SPICE1: variants seen among roughly 807,000 people sequenced by gnomAD.
The protein encoded by SPICE1 is spindle and centriole associated protein 1, also known as spindle and centriole-associated protein 1.
SPICE1 carries 75 observed loss-of-function variants against 102.7 expected under a neutral mutation model. The ratio of observed to expected loss-of-function variants is 0.73; its 90% CI spans 0.61 to 0.88. The LOEUF (loss-of-function observed/expected upper bound fraction) is 0.88. Ranked by LOEUF, SPICE1 falls within the 40% of genes least tolerant of loss-of-function variation. The pLI, the probability that SPICE1 is intolerant of heterozygous loss-of-function variation, is 0.00. For missense variants in SPICE1, 979 were observed against 1,020.1 expected (o/e 0.96, Z 0.55); for synonymous variants, 308 against 350.3 (o/e 0.88, Z 1.35).
intron 8 of SPICE1, 31 bp from the exon 9 acceptor site, chr3:113,468,930 C>A: frequency 1.3e-6 from 2 of 1,593,520 alleles, no homozygotes; most frequent in South Asian, 2.3e-5. Flanking sequence ...AAAAGTATCT[C>A]AAGTGAACAA....
Position 113,460,739 on chromosome 3 carries a change from G to A in SPICE1, c.1313C>T (p.Thr438Ile), listed in dbSNP as rs761921482. 1.2e-6 allele frequency: 2 copies of A among 1,611,886 alleles called. No homozygotes were observed. The highest frequency in any genetic ancestry group is 4.5e-5 in the East Asian group (2 of 44,830). The change falls in exon 12 of 18, where the codon ACA (threonine) becomes ATA (isoleucine). Residue 438 changes from threonine (T) to isoleucine (I), a missense_variant. By Grantham distance (89) the Thr-to-Ile change is moderately conservative (BLOSUM62 -1). Transcript: ENST00000295872. ...TQARLQQYMV[T>I]TDEQLISLTH... ...GAGTGATATCAGTTGCTCATCTGTT[G>A]TGACCATGTACTGCTGAAGTCTTGC...
intron 7 of SPICE1, among the ~76,000 whole-genome samples, chr3:113,470,211 CTT>C (rs1936163239): frequency 6.6e-6 from 1 of 152,174 alleles, no homozygotes; most frequent in African/African-American, 2.4e-5. Context: ...GTGGGAAAAA[CTT>C]TAAGCAAAAG....
chr3:113,485,890 C>G (rs1936635418), intron 7 of SPICE1, among the ~76,000 whole-genome samples: 1 of 152,088 alleles, frequency 6.6e-6, no homozygotes, highest in African/African-American at 2.4e-5. Flanking sequence ...CAAACCAACA[C>G]AGAAAACAAA....
At position 113,443,747 on chromosome 3, in the gene SPICE1, A is replaced by C. The variant is rs1935448499; in HGVS notation, c.*1560T>G. On this transcript the variant is annotated 3_prime_UTR_variant, in exon 18 of 18. Transcript: ENST00000295872. Reference sequence around the variant, plus strand: ...AATGCCACCACTCCCTAGTTGTGTGACCTTGAGAAAATACCTCCTTGTACC... The same window carrying C: ...AATGCCACCACTCCCTAGTTGTGTGCCCTTGAGAAAATACCTCCTTGTACC... 1 of 152,216 alleles carries C rather than the reference A, an allele frequency of 6.6e-6. No individual in the cohort carries two copies. The highest frequency in any genetic ancestry group is 1.5e-5 in the Non-Finnish European group (1 of 68,046). 9.4% of individuals were successfully genotyped at this position (152,216 alleles called of 1,614,324 possible).
chr3:113,473,974 T>G (rs1936272305), intron 7 of SPICE1, among the ~76,000 whole-genome samples: 1 of 152,024 alleles, frequency 6.6e-6, no homozygotes, highest in Admixed American at 6.6e-5. Context: ...ATGCTCCAAT[T>G]AAAAGGCACA....
chr3:113,481,464 G>A (rs761249105), intron 7 of SPICE1, among the ~76,000 whole-genome samples: 9 of 150,770 alleles, frequency 6.0e-5, no homozygotes, highest in African/African-American at 1.7e-4. Context: ...TGTGCAGAAC[G>A]TGCAGTTTTG....
intron 6 of SPICE1, among the ~76,000 whole-genome samples, chr3:113,489,859 A>G (rs919936560): frequency 6.6e-6 from 1 of 151,478 alleles, no homozygotes; most frequent in South Asian, 2.1e-4. Flanking sequence ...AAAAAAAAAA[A>G]AAAAAAAAAA....
At position 113,477,091 on chromosome 3, in the gene SPICE1, A is replaced by G. The variant is rs1252824795; in HGVS notation, c.612-7853T>C. Among the ~76,000 whole-genome samples the G allele has an allele frequency of 1.1e-3, 165 of 152,156 alleles. 1 individual carries two copies. Among genetic ancestry groups the G allele is most frequent in the African/African-American group, 3.8e-3 (159 of 41,560 alleles). ...AAGAACTCAAACAAATTTACAAGAA[A>G]AAAACAAACAACCCCATCAAAAAGT... On this transcript the variant is annotated intron_variant, in intron 7 of 17. Transcript: ENST00000295872.
intron 11 of SPICE1, among the ~76,000 whole-genome samples, chr3:113,462,509 A>G (rs1265708034): frequency 1.3e-5 from 2 of 152,238 alleles, no homozygotes; most frequent in African/African-American, 4.8e-5. Flanking sequence ...CAAGTTCTGG[A>G]GGAAAATCAG....
rs764677368 is a variant in SPICE1 at position 113,489,078 on chromosome 3, C to T, written c.493-15G>A. On this transcript the variant is annotated splice_polypyrimidine_tract_variant and intron_variant, in intron 6 of 17. Coordinates refer to ENST00000295872, the MANE Select transcript of SPICE1 (RefSeq NM_144718.4). ...TCATTAAGAGCCTGTCTCAACACAA[C>T]AATAAAAATAGCACAAGTTGATTAT... 2.7e-6 allele frequency: 4 copies of T among 1,484,346 alleles called. No homozygotes were observed. In the Admixed American group the frequency reaches 5.1e-5, roughly 19 times the overall value. The allele number at this position is 1,484,346 out of a possible 1,614,324, so 91.9% of individuals were successfully genotyped here.
intron 1 of SPICE1, among the ~76,000 whole-genome samples, chr3:113,513,740 T>C (rs1937264351): frequency 6.6e-6 from 1 of 152,212 alleles, no homozygotes; most frequent in South Asian, 2.1e-4. Flanking sequence ...CTAAAAATAT[T>C]TTTGTTCAGG....
rs190427199 is a variant in SPICE1, at chr3:113,503,031, T to C, written c.147+149A>G. 20 of 700,580 alleles carry C rather than the reference T, an allele frequency of 2.9e-5. 2 individuals are homozygous for C. The Admixed American group carries it at 4.4e-4, about 15-fold the overall frequency. The allele number at this position is 700,580 out of a possible 1,614,324, so 43.4% of individuals were successfully genotyped here. A position where few individuals can be genotyped will look rare whatever the true frequency, so the allele number is the denominator to read the frequency against. On this transcript the variant is annotated intron_variant, in intron 3 of 17. Coordinates refer to ENST00000295872, the MANE Select transcript of SPICE1 (RefSeq NM_144718.4). ...AGCTCAAATCAGGAAGTCCAGAAGA[T>C]AGGCGTTTTGATTTTATATAGACAT...
chr3:113,505,907 T>TA (rs200416590), intron 2 of SPICE1, among the ~76,000 whole-genome samples: 5,580 of 151,742 alleles, frequency 0.037, 188 homozygotes, highest in African/African-American at 0.09. Flanking sequence ...CCCTGTCTCT[T>TA]AAAAAAAAGA....
At chr3:113,487,535 C>T (rs561649692) in intron 7 of SPICE1, among the ~76,000 whole-genome samples, 1 of 152,080 alleles carries the variant, frequency 6.6e-6, no homozygotes, top group Non-Finnish European at 1.5e-5. Context: ...TTTAAATACC[C>T]TTCTTTAATA....
chr3:113,470,043 G>T (rs1936159180), intron 7 of SPICE1, among the ~76,000 whole-genome samples: 1 of 152,166 alleles, frequency 6.6e-6, no homozygotes, highest in South Asian at 2.1e-4. Flanking sequence ...AAGCACATTG[G>T]TTACAGAGCT....
At chr3:113,469,339 TTATC>T (rs1198482532) in intron 7 of SPICE1, 101 bp from the exon 8 acceptor site, 9 of 276,820 alleles carry the variant, frequency 3.3e-5, no homozygotes, top group Non-Finnish European at 5.1e-5. Context: ...TATATTTACA[TTATC>T]TATATTATTA....
At chr3:113,494,753 T>G (rs1177291240) in intron 4 of SPICE1, among the ~76,000 whole-genome samples, 1 of 152,248 alleles carries the variant, frequency 6.6e-6, no homozygotes, top group Non-Finnish European at 1.5e-5. Flanking sequence ...ATAAAAGTTT[T>G]AATTAACCTT....
At chr3:113,510,656 T>C (rs1937202730) in intron 1 of SPICE1, among the ~76,000 whole-genome samples, 1 of 152,006 alleles carries the variant, frequency 6.6e-6, no homozygotes, top group Non-Finnish European at 1.5e-5. Context: ...CCCAAAACTA[T>C]AAAAACCCTA....
chr3:113,495,440 T>G (rs1446677925), intron 4 of SPICE1, among the ~76,000 whole-genome samples: 2 of 152,214 alleles, frequency 1.3e-5, no homozygotes, highest in South Asian at 4.1e-4. Context: ...GCCAAGCAGG[T>G]TGGCTGACTC....
Sources: allele counts gnomAD v4.1 joint callset (sites outside exome capture counted in the v4.1 genomes callset), GRCh38; gene constraint gnomAD v4.1.1; transcripts MANE v1.5; gene names NCBI Gene and HGNC (gene_info 2026-07-23, HGNC 2026-07-21).